Variants in CACNA2D3 observed in about 807,000 individuals in gnomAD.
CACNA2D3 encodes the protein voltage-dependent calcium channel subunit alpha-2/delta-3.
CACNA2D3 carries 60 observed loss-of-function variants against 160.6 expected under a neutral mutation model. The observed-to-expected ratio is 0.37, with a 90% CI of 0.30 to 0.46. CACNA2D3 has a LOEUF of 0.46. Ranked by LOEUF, CACNA2D3 falls within the 20% of genes least tolerant of loss-of-function variation. The pLI, the probability that CACNA2D3 is intolerant of heterozygous loss-of-function variation, is 1.00. For synonymous variants in CACNA2D3, 558 were observed against 492.9 expected (o/e 1.13, Z -1.75); for missense variants, 1,205 against 1,365.0 (o/e 0.88, Z 1.85).
chr3:54,428,978 C>G (rs1418109735), intron 4 of CACNA2D3, among the ~76,000 whole-genome samples: 1 of 152,306 alleles, frequency 6.6e-6, no homozygotes, highest in African/African-American at 2.4e-5. Context: ...CCTGTTGTAG[C>G]CCAAGGAGGG....
intron 2 of CACNA2D3, among the ~76,000 whole-genome samples, chr3:54,162,507 T>C (rs1029154177): frequency 1.3e-5 from 2 of 152,142 alleles, no homozygotes; most frequent in Non-Finnish European, 2.9e-5. Context: ...AGAGCAAGCA[T>C]CCCTAGAGAA....
At chr3:54,872,629 G>A (rs943181006) in intron 18 of CACNA2D3, among the ~76,000 whole-genome samples, 27 of 152,242 alleles carry the variant, frequency 1.8e-4, no homozygotes, top group East Asian at 1.9e-4. Context: ...CTTTCCACAC[G>A]CTCTGCACTT....
At chr3:54,135,720 C>G (rs1699802277) in intron 2 of CACNA2D3, among the ~76,000 whole-genome samples, 1 of 152,190 alleles carries the variant, frequency 6.6e-6, no homozygotes, top group Non-Finnish European at 1.5e-5. Flanking sequence ...TGATGCCCAC[C>G]TTGCACATTC....
rs370151926 is a variant in CACNA2D3 at position 54,386,800 on chromosome 3, T to C, written c.381+26T>C. 8 of 1,564,662 alleles carry C rather than the reference T, an allele frequency of 5.1e-6. No individual in the cohort carries two copies. The East Asian group carries it at 9.2e-5, about 18-fold the overall frequency. On this transcript the variant is annotated intron_variant, in intron 4 of 37. Transcript: ENST00000474759. ...GTAACTGATTATAGTTTGAGTTAAATTGTTTTGTGTGTTTCCTGCCAAAGG... is the reference window on the plus strand; with the variant it reads ...GTAACTGATTATAGTTTGAGTTAAACTGTTTTGTGTGTTTCCTGCCAAAGG...
intron 11 of CACNA2D3, among the ~76,000 whole-genome samples, chr3:54,727,210 C>A (rs1196359374): frequency 6.6e-6 from 1 of 152,142 alleles, no homozygotes; most frequent in Non-Finnish European, 1.5e-5. Flanking sequence ...CAATGAGATA[C>A]CATCTCACAC....
intron 4 of CACNA2D3, among the ~76,000 whole-genome samples, chr3:54,392,925 A>T (rs1447008093): frequency 6.6e-6 from 1 of 152,214 alleles, no homozygotes; most frequent in Non-Finnish European, 1.5e-5. Context: ...AGTGATGTCA[A>T]CAAGATGGCT....
chr3:54,422,663 AATGATGATGATG>A (rs539482855), intron 4 of CACNA2D3, among the ~76,000 whole-genome samples: 1 of 151,920 alleles, frequency 6.6e-6, no homozygotes, highest in African/African-American at 2.4e-5. Flanking sequence ...GCAAAATAAT[AATGATGATGATG>A]ATGATGATGA....
intron 2 of CACNA2D3, among the ~76,000 whole-genome samples, chr3:54,269,916 C>T (rs1408159311): frequency 6.6e-6 from 1 of 152,172 alleles, no homozygotes; most frequent in African/African-American, 2.4e-5. Context: ...AATACATGGT[C>T]TCTGTTGTGT....
chr3:54,362,880 A>C (rs1293068003), intron 3 of CACNA2D3, among the ~76,000 whole-genome samples: 1 of 152,214 alleles, frequency 6.6e-6, no homozygotes, highest in Non-Finnish European at 1.5e-5. Flanking sequence ...AATTGAGTAT[A>C]AGTGTTAAAT....
intron 14 of CACNA2D3, among the ~76,000 whole-genome samples, chr3:54,828,472 C>T (rs1483008823): frequency 6.6e-6 from 1 of 152,166 alleles, no homozygotes; most frequent in Admixed American, 6.6e-5. Context: ...AGGCAGTATC[C>T]TCCCTCTATC....
intron 8 of CACNA2D3, among the ~76,000 whole-genome samples, chr3:54,571,789 G>T (rs1368451423): frequency 6.6e-6 from 1 of 152,108 alleles, no homozygotes; most frequent in Non-Finnish European, 1.5e-5. Context: ...GGGCTGTTTT[G>T]AATCCCATTC....
chr3:54,879,486 C>T, intron 20 of CACNA2D3, 75 bp downstream of exon 20: 4 of 1,044,070 alleles, frequency 3.8e-6, no homozygotes, highest in Non-Finnish European at 5.8e-6. Flanking sequence ...CTGACACTCT[C>T]AGAGCTCATC....
intron 11 of CACNA2D3, among the ~76,000 whole-genome samples, chr3:54,705,743 C>G (rs1700845490): frequency 6.6e-6 from 1 of 152,120 alleles, no homozygotes; most frequent in Non-Finnish European, 1.5e-5. Context: ...GGGCATCTTC[C>G]TGGTTAGAAG....
At position 54,749,101 on chromosome 3, in the gene CACNA2D3, T is replaced by C. The variant is rs77867992; in HGVS notation, c.1168-3498T>C. The stretch of plus-strand genomic sequence containing the variant: ...AGGAAGTAGCAATGTCATTACTTTC[T>C]TTTCACTTAAAATGATCTTTAATTA... On this transcript the variant is annotated intron_variant, in intron 11 of 37. Transcript: ENST00000474759. Among the ~76,000 whole-genome samples, 39 of 152,358 alleles carry C rather than the reference T, an allele frequency of 2.6e-4. No homozygotes were observed. The East Asian group carries it at 7.5e-3, about 29-fold the overall frequency.
chr3:54,667,258 A>C (rs1468039549), intron 11 of CACNA2D3, among the ~76,000 whole-genome samples: 1 of 152,132 alleles, frequency 6.6e-6, no homozygotes, highest in Non-Finnish European at 1.5e-5. Flanking sequence ...TTGGAACCCT[A>C]GGACCTCAGG....
chr3:54,950,077 G>A (rs992465811), intron 27 of CACNA2D3, among the ~76,000 whole-genome samples: 7 of 152,146 alleles, frequency 4.6e-5, no homozygotes, highest in Non-Finnish European at 1.0e-4. Flanking sequence ...TAAGTGGTTG[G>A]CACCTGAAAA....
chr3:54,445,098 C>G (rs535983815), intron 4 of CACNA2D3, among the ~76,000 whole-genome samples: 1 of 152,292 alleles, frequency 6.6e-6, no homozygotes, highest in East Asian at 1.9e-4. Context: ...TCAAGTCAAC[C>G]AGGTGTCCAA....
At chr3:54,846,553 A>G in intron 17 of CACNA2D3, 86 bp downstream of exon 17, 1 of 836,574 alleles carries the variant, frequency 1.2e-6, no homozygotes. Context: ...ACTTTGCTGC[A>G]GTTTTCACTT....
At chr3:54,328,478 C>T (rs1704168511) in intron 3 of CACNA2D3, among the ~76,000 whole-genome samples, 1 of 152,052 alleles carries the variant, frequency 6.6e-6, no homozygotes, top group South Asian at 2.1e-4. Context: ...GATGGGATTT[C>T]ACCATGTTGG....
Sources: gnomAD v4.1 joint callset for allele counts (sites outside exome capture counted in the v4.1 genomes callset) on GRCh38, gnomAD v4.1.1 for gene constraint, MANE v1.5 for transcripts, NCBI Gene and HGNC (gene_info 2026-07-23, HGNC 2026-07-21) for gene names.